KREMEN1: variants seen among roughly 807,000 people sequenced by gnomAD.
KREMEN1 encodes the protein kremen protein 1.
A neutral mutation model predicts 46.5 loss-of-function variants in KREMEN1; 30 were observed. The ratio of observed to expected loss-of-function variants is 0.65; its 90% CI spans 0.48 to 0.88. The LOEUF (loss-of-function observed/expected upper bound fraction) is 0.88, where lower values mean the gene tolerates loss of function less well. Among genes scored for constraint, KREMEN1 ranks in the 40% least tolerant of loss-of-function variants. The pLI is 0.00. For synonymous variants in KREMEN1, 214 were observed against 230.6 expected (o/e 0.93, Z 0.65); for missense variants, 533 against 596.9 (o/e 0.89, Z 1.11).
chr22:29,151,473 C>T (rs1158518853), downstream of KREMEN1, among the ~76,000 whole-genome samples: 1 of 152,138 alleles, frequency 6.6e-6, no homozygotes, highest in East Asian at 1.9e-4. Context: ...CACAGGCCAG[C>T]CACTGGGACC....
intron 5 of KREMEN1, among the ~76,000 whole-genome samples, chr22:29,126,795 C>T (rs535909726): frequency 6.6e-6 from 1 of 152,280 alleles, no homozygotes; most frequent in East Asian, 1.9e-4. Context: ...ACAGAACTTA[C>T]AGTCAATTGG....
Position 29,073,233 on chromosome 22 carries a change from T to A in KREMEN1, c.97+6T>A, listed in dbSNP as rs2037501494. ...CGGCCTCGGCCCCGGACCCGGTGAG[T>A]GTGAGCGACCCCCCGCCGCCCGCCC... On this transcript the variant is annotated splice_donor_region_variant and intron_variant, in intron 1 of 8. Coordinates refer to ENST00000400335, the MANE Select transcript of KREMEN1 (RefSeq NM_001039570.3). The surrounding 1 kb of genome is among the most constrained non-coding windows in gnomAD (Gnocchi z 4.4). The A allele has an allele frequency of 7.9e-6, 9 of 1,136,346 alleles. No individual in the cohort carries two copies. In the Admixed American group the frequency reaches 1.4e-4, roughly 18 times the overall value. 70.4% of individuals were successfully genotyped at this position (1,136,346 alleles called of 1,614,324 possible). A position where few individuals can be genotyped will look rare whatever the true frequency, so the allele number is the denominator to read the frequency against.
intron 3 of KREMEN1, among the ~76,000 whole-genome samples, chr22:29,104,545 C>A (rs978598503): frequency 1.3e-5 from 2 of 152,168 alleles, no homozygotes; most frequent in African/African-American, 4.8e-5. Context: ...CTTGCTAAAA[C>A]TATTAGTTAT....
At chr22:29,162,577 G>A (rs933293594) in intron 9 of KREMEN1, among the ~76,000 whole-genome samples, 4 of 152,106 alleles carry the variant, frequency 2.6e-5, no homozygotes, top group African/African-American at 9.7e-5. Context: ...AATTAGCTGG[G>A]CGTGGTGGCA....
intron 2 of KREMEN1, 151 bp downstream of exon 2, chr22:29,094,571 TTACACACA>T (rs780808203): frequency 1.2e-5 from 4 of 340,282 alleles, no homozygotes; most frequent in Non-Finnish European, 2.0e-5. Flanking sequence ...CTTTCACACC[TTACACACA>T]CACACACACA....
chr22:29,150,041 G>A (rs947637791), downstream of KREMEN1, among the ~76,000 whole-genome samples: 1 of 152,130 alleles, frequency 6.6e-6, no homozygotes, highest in African/African-American at 2.4e-5. Context: ...CCTCTGTGGC[G>A]AGGTCGGGTC....
chr22:29,102,949 C>T (rs1014813377), intron 3 of KREMEN1, among the ~76,000 whole-genome samples: 31 of 152,132 alleles, frequency 2.0e-4, no homozygotes, highest in Non-Finnish European at 1.0e-4. Flanking sequence ...GACCAGGGCT[C>T]CCCATCAAGC....
chr22:29,095,891 C>T (rs1371621161), intron 2 of KREMEN1, among the ~76,000 whole-genome samples: 2 of 151,910 alleles, frequency 1.3e-5, no homozygotes, highest in African/African-American at 4.8e-5. Flanking sequence ...AAAAACTTCT[C>T]CAACACCACA....
At chr22:29,097,114 C>G (rs1175625705) in intron 2 of KREMEN1, among the ~76,000 whole-genome samples, 1 of 152,268 alleles carries the variant, frequency 6.6e-6, no homozygotes, top group Non-Finnish European at 1.5e-5. Flanking sequence ...CGCCACATGA[C>G]AGGCTTAGCC....
intron 1 of KREMEN1, among the ~76,000 whole-genome samples, chr22:29,077,228 T>C (rs2145731081): frequency 6.6e-6 from 1 of 152,378 alleles, no homozygotes; most frequent in East Asian, 1.9e-4. Flanking sequence ...ATGGGCCTTA[T>C]ACTATCTGTG....
At chr22:29,135,208 C>T (rs1601805496) in intron 5 of KREMEN1, among the ~76,000 whole-genome samples, 1 of 152,174 alleles carries the variant, frequency 6.6e-6, no homozygotes, top group African/African-American at 2.4e-5. Flanking sequence ...AATCAGGGAC[C>T]AATGGCTTTT....
At chr22:29,100,142 A>T (rs2037952948) in intron 3 of KREMEN1, among the ~76,000 whole-genome samples, 2 of 143,478 alleles carry the variant, frequency 1.4e-5, no homozygotes, top group Non-Finnish European at 3.0e-5. Context: ...CCCAGGCTGG[A>T]GTGCAGTGGT....
At chr22:29,135,385 G>T (rs1216815346) in intron 5 of KREMEN1, among the ~76,000 whole-genome samples, 1 of 152,202 alleles carries the variant, frequency 6.6e-6, no homozygotes, top group East Asian at 1.9e-4. Context: ...TTTTGCTTCT[G>T]TCTGTTTTCA....
At position 29,144,634 on chromosome 22, in the gene KREMEN1, G is replaced by A. The variant is rs1046153085; in HGVS notation, c.*2522G>A. 8.1e-6 allele frequency: 8 copies of A among 985,380 alleles called. No individual in the cohort carries two copies. Among genetic ancestry groups the A allele is most frequent in the East Asian group, 1.1e-4 (1 of 8,824 alleles). The allele number at this position is 985,380 out of a possible 1,614,324, so 61.0% of individuals were successfully genotyped here. On this transcript the variant is annotated 3_prime_UTR_variant, in exon 9 of 9. Transcript: ENST00000400335. ...CAAACATAAGTGTCAGGTGTGTGTC[G>A]TCCCAACGGGTCCTGTGCTGTGAAT...
At chr22:29,095,014 G>A (rs1055288092) in intron 2 of KREMEN1, among the ~76,000 whole-genome samples, 1 of 152,052 alleles carries the variant, frequency 6.6e-6, no homozygotes, top group Non-Finnish European at 1.5e-5. Flanking sequence ...TCTTTGGGAG[G>A]GTTTTCTTAG....
chr22:29,166,415 T>C (rs2039053140), intron 9 of KREMEN1, among the ~76,000 whole-genome samples: 1 of 152,268 alleles, frequency 6.6e-6, no homozygotes, highest in South Asian at 2.1e-4. Flanking sequence ...CTGGGACTCA[T>C]TGACTTCTTC....
In KREMEN1 at chr22:29,162,092, G is replaced by A. The variant is rs542973840; in HGVS notation, c.1417-4952G>A. Among the ~76,000 whole-genome samples the A allele has an allele frequency of 2.7e-5, 4 of 149,680 alleles. No individual in the cohort carries two copies. In the East Asian group the frequency reaches 7.8e-4, roughly 29 times the overall value. ...AGATTGTGTCACTGCACTCTAGCCT[G>A]AATAACAGAGCGAGACTCTACCTCA... On this transcript the variant is annotated intron_variant, in intron 9 of 9. Coordinates refer to the KREMEN1 transcript ENST00000327813.
chr22:29,099,769 C>T (rs1435276555), intron 3 of KREMEN1, among the ~76,000 whole-genome samples: 3 of 152,024 alleles, frequency 2.0e-5, no homozygotes, highest in African/African-American at 4.8e-5. Flanking sequence ...AGGATGGTCT[C>T]GATCTCTTGA....
intron 5 of KREMEN1, among the ~76,000 whole-genome samples, chr22:29,131,558 A>ATGTG (rs1458308421): frequency 6.0e-4 from 36 of 59,654 alleles, no homozygotes; most frequent in African/African-American, 1.5e-3. Context: ...ATATATATAT[A>ATGTG]TATGTGTGTG....
Sources: allele counts gnomAD v4.1 joint callset (sites outside exome capture counted in the v4.1 genomes callset), GRCh38; gene constraint gnomAD v4.1.1; non-coding constraint Gnocchi (gnomAD v3.1); transcripts MANE v1.5; gene names NCBI Gene and HGNC (gene_info 2026-07-23, HGNC 2026-07-21).